Variants in ATP2C1 observed in about 807,000 individuals in gnomAD.
The protein encoded by ATP2C1 is calcium-transporting ATPase type 2C member 1.
ATP2C1 carries 31 observed loss-of-function variants against 120.5 expected under a neutral mutation model. The observed-to-expected ratio is 0.26, with a 90% CI of 0.19 to 0.35. The LOEUF is 0.35. Among genes scored for constraint, ATP2C1 ranks in the 10% least tolerant of loss-of-function variants. ATP2C1 has a pLI of 1.00. For synonymous variants in ATP2C1, 351 were observed against 358.7 expected (o/e 0.98, Z 0.24); for missense variants, 731 against 1,107.5 (o/e 0.66, Z 4.83).
chr3:131,012,260 CTT>C (rs71620100), intron 26 of ATP2C1, among the ~76,000 whole-genome samples: 14 of 127,184 alleles, frequency 1.1e-4, no homozygotes, highest in Admixed American at 4.3e-4. Flanking sequence ...TTTCTTTTTT[CTT>C]TTTTTTTTTT....
chr3:130,865,444 G>A lies in ATP2C1; in HGVS notation c.108+14516G>A, dbSNP rs1038888257. On this transcript the variant is annotated intron_variant, in intron 1 of 26. Coordinates refer to the ATP2C1 transcript ENST00000504381. Reference sequence around the variant, plus strand: ...GCTTAAGACTTTGGGGGACTGTTGGGAGGGCATGATTGGTTTTGAAATGTT... The same window carrying A: ...GCTTAAGACTTTGGGGGACTGTTGGAAGGGCATGATTGGTTTTGAAATGTT... 2.6e-5 allele frequency among the ~76,000 whole-genome samples: 4 copies of A among 152,150 alleles called. 1 individual carries two copies. The highest frequency in any genetic ancestry group is 9.7e-5 in the African/African-American group (4 of 41,422).
At position 130,894,715 on chromosome 3, in the gene ATP2C1, G is replaced by T; in HGVS notation, c.-55G>T. On this transcript the variant is annotated 5_prime_UTR_variant, in exon 2 of 28. Coordinates refer to ENST00000510168, the MANE Select transcript of ATP2C1 (RefSeq NM_001378687.1). The surrounding 1 kb of genome is among the most constrained non-coding windows in gnomAD (Gnocchi z 4.5). ...TCTCCTCTCTATTCCCAGTGTGGCCGTGGCTGACACTAAAGACTTTGTAGC... is the reference window on the plus strand; with the variant it reads ...TCTCCTCTCTATTCCCAGTGTGGCCTTGGCTGACACTAAAGACTTTGTAGC... 1 of 1,614,082 alleles carries T rather than the reference G, an allele frequency of 6.2e-7. No homozygotes were observed. Among genetic ancestry groups the T allele is most frequent in the South Asian group, 1.1e-5 (1 of 91,080 alleles).
In ATP2C1 at chr3:130,898,658, A is replaced by G. The variant is rs570331061; in HGVS notation, c.6+3883A>G. 4.6e-5 allele frequency among the ~76,000 whole-genome samples: 7 copies of G among 152,188 alleles called. No homozygotes were observed. The South Asian group carries it at 1.2e-3, about 27-fold the overall frequency. On this transcript the variant is annotated intron_variant, in intron 2 of 27. Coordinates refer to ENST00000510168, the MANE Select transcript of ATP2C1 (RefSeq NM_001378687.1). Reference sequence around the variant, plus strand: ...TATGCAATAACCTTCTGACAGTTGGATTCCAAATACTTGATTTGTCTTCAT... The same window carrying G: ...TATGCAATAACCTTCTGACAGTTGGGTTCCAAATACTTGATTTGTCTTCAT...
chr3:130,873,330 G>A (rs1045796036), intron 1 of ATP2C1, among the ~76,000 whole-genome samples: 1 of 152,170 alleles, frequency 6.6e-6, no homozygotes, highest in African/African-American at 2.4e-5. Context: ...CTTGAGCAGG[G>A]AGCTTCCTTT....
intron 16 of ATP2C1, among the ~76,000 whole-genome samples, chr3:130,969,054 G>C (rs1209097493): frequency 2.0e-5 from 3 of 152,326 alleles, no homozygotes; most frequent in East Asian, 1.9e-4. Context: ...GGGAGGTTTA[G>C]TCAGCGTACA....
Position 130,894,856 on chromosome 3 carries a change from C to A in ATP2C1, c.6+81C>A. ...TTTTAAGTTGTCTTTGTTTTTCCAC[C>A]TTTTTATTTTCGTGAGCTTATTTAT... On this transcript the variant is annotated intron_variant, in intron 2 of 27. Coordinates refer to ENST00000510168, the MANE Select transcript of ATP2C1 (RefSeq NM_001378687.1). The surrounding 1 kb of genome is among the most constrained non-coding windows in gnomAD (Gnocchi z 4.5). The A allele has an allele frequency of 7.2e-7, 1 of 1,380,574 alleles. No homozygotes were observed. The highest frequency in any genetic ancestry group is 1.0e-6 in the Non-Finnish European group (1 of 967,304). The allele number at this position is 1,380,574 out of a possible 1,614,324, so 85.5% of individuals were successfully genotyped here. A position where few individuals can be genotyped will look rare whatever the true frequency, so the allele number is the denominator to read the frequency against.
Position 131,003,007 on chromosome 3 carries a change from G to A in ATP2C1, c.*1657G>A, listed in dbSNP as rs542594338. The A allele has an allele frequency of 1.3e-5, 13 of 985,560 alleles. No individual in the cohort carries two copies. In the Admixed American group the frequency reaches 1.8e-4, roughly 14 times the overall value. 61.1% of individuals were successfully genotyped at this position (985,560 alleles called of 1,614,324 possible). On this transcript the variant is annotated 3_prime_UTR_variant, in exon 28 of 28. Coordinates refer to ENST00000510168, the MANE Select transcript of ATP2C1 (RefSeq NM_001378687.1). ...AATTTTGTAATGATTTTTATTCTCT[G>A]TTACAAAGACTTGAAATACGTATTA... is the stretch of plus-strand genomic sequence containing the variant.
intron 11 of ATP2C1, among the ~76,000 whole-genome samples, chr3:130,957,347 A>C (rs2060624996): frequency 6.6e-6 from 1 of 152,198 alleles, no homozygotes; most frequent in Non-Finnish European, 1.5e-5. Context: ...AATTTATTTT[A>C]GTACATGGCT....
At chr3:130,947,543 G>A (rs1343609631) in intron 8 of ATP2C1, among the ~76,000 whole-genome samples, 1 of 152,102 alleles carries the variant, frequency 6.6e-6, no homozygotes, top group African/African-American at 2.4e-5. Flanking sequence ...AGTCTTTTAT[G>A]TCTGGCCTCT....
Position 130,953,557 on chromosome 3 carries a change from T to G in ATP2C1, c.532-264T>G, listed in dbSNP as rs146517181. On this transcript the variant is annotated intron_variant, in intron 8 of 27. Coordinates refer to ENST00000510168, the MANE Select transcript of ATP2C1 (RefSeq NM_001378687.1). Reference sequence around the variant, plus strand: ...AGATTGAGTCTTAGCTAGTGTCAAATTTTTCCTAGTTGTATTTTCAATTTT... The same window carrying G: ...AGATTGAGTCTTAGCTAGTGTCAAAGTTTTCCTAGTTGTATTTTCAATTTT... Among the ~76,000 whole-genome samples, 982 of 152,296 alleles carry G rather than the reference T, an allele frequency of 6.4e-3. 5 individuals are homozygous for G. Among genetic ancestry groups the G allele is most frequent in the Non-Finnish European group, 0.01 (695 of 68,018 alleles).
chr3:130,873,979 G>A lies in ATP2C1; in HGVS notation c.108+23051G>A, dbSNP rs150279826. 7.7e-3 allele frequency among the ~76,000 whole-genome samples: 1,169 copies of A among 151,770 alleles called. 17 individuals are homozygous for A. Among genetic ancestry groups the A allele is most frequent in the African/African-American group, 0.027 (1,115 of 41,416 alleles). On this transcript the variant is annotated intron_variant, in intron 1 of 26. Coordinates refer to the ATP2C1 transcript ENST00000504381. ...ACAAAAATTAGCCCGGCATGGTGGC[G>A]GGTGCCTGTAATCCCAGCTACTCAG...
At chr3:130,862,430 C>G (rs2068046388) in intron 1 of ATP2C1, among the ~76,000 whole-genome samples, 1 of 151,960 alleles carries the variant, frequency 6.6e-6, no homozygotes, top group Non-Finnish European at 1.5e-5. Flanking sequence ...ACCTGCCTGC[C>G]TCGGCCTCCC....
At chr3:130,933,261 G>T (rs1186396182) in intron 4 of ATP2C1, among the ~76,000 whole-genome samples, 1 of 104,950 alleles carries the variant, frequency 9.5e-6, no homozygotes, top group Non-Finnish European at 2.3e-5. Context: ...ACAAAGCACT[G>T]GGTGATTCTT....
At chr3:130,850,958 T>C (rs570019384) in intron 1 of ATP2C1, 393 of 1,186,874 alleles carry the variant, frequency 3.3e-4, no homozygotes, top group Middle Eastern at 1.4e-3. Context: ...ATCTTTAAAA[T>C]GAACGGGTGC....
At chr3:130,872,564 C>T (rs1000605694) in intron 1 of ATP2C1, among the ~76,000 whole-genome samples, 12 of 151,880 alleles carry the variant, frequency 7.9e-5, no homozygotes, top group African/African-American at 2.9e-4. Context: ...ACTACACTCC[C>T]ATTTGAGGAG....
At chr3:130,929,123 T>C (rs1216708125) in intron 2 of ATP2C1, among the ~76,000 whole-genome samples, 1 of 152,194 alleles carries the variant, frequency 6.6e-6, no homozygotes. Flanking sequence ...TAATTTGCAG[T>C]AAAGAAAGGT....
chr3:130,994,652 T>A (rs2062517986), intron 22 of ATP2C1, among the ~76,000 whole-genome samples: 1 of 152,072 alleles, frequency 6.6e-6, no homozygotes, highest in Admixed American at 6.6e-5. Flanking sequence ...GAATCCCATT[T>A]ATTTATTTAT....
intron 5 of ATP2C1, among the ~76,000 whole-genome samples, chr3:130,936,228 T>C (rs191580175): frequency 1.3e-5 from 2 of 152,274 alleles, no homozygotes; most frequent in East Asian, 3.9e-4. Context: ...AAAAAATTGT[T>C]ACGAAATGTG....
At chr3:130,965,479 C>T (rs1240390799) in intron 14 of ATP2C1, among the ~76,000 whole-genome samples, 1 of 152,092 alleles carries the variant, frequency 6.6e-6, no homozygotes, top group Non-Finnish European at 1.5e-5. Context: ...AAGCATGTCA[C>T]TCCATAAATT....
Sources: gnomAD v4.1 joint callset for allele counts (sites outside exome capture counted in the v4.1 genomes callset) on GRCh38, gnomAD v4.1.1 for gene constraint, Gnocchi (gnomAD v3.1) non-coding constraint, MANE v1.5 for transcripts, NCBI Gene and HGNC (gene_info 2026-07-23, HGNC 2026-07-21) for gene names.